Variants in MNAT1 observed in about 807,000 individuals in gnomAD.
MNAT1 encodes the protein MNAT1 component of CDK activating kinase.
A neutral mutation model predicts 42.0 loss-of-function variants in MNAT1; 43 were observed. The ratio of observed to expected loss-of-function variants is 1.02; its 90% CI spans 0.80 to 1.32. MNAT1 has a LOEUF of 1.32. MNAT1 is among the 40% of genes most tolerant of loss of function. The pLI is 0.00. For synonymous variants in MNAT1, 118 were observed against 120.0 expected (o/e 0.98, Z 0.11); for missense variants, 306 against 350.4 (o/e 0.87, Z 1.01).
rs180726327 is a variant in MNAT1 at position 60,870,063 on chromosome 14, A to G, written c.688-9651A>G. On this transcript the variant is annotated intron_variant, in intron 6 of 7. Coordinates refer to ENST00000261245, the MANE Select transcript of MNAT1 (RefSeq NM_002431.4). ...TAATACATTTCAGATTATTAAAAAT[A>G]CAGATTATTAAAAATACTGCCATGT... Among the ~76,000 whole-genome samples the G allele has an allele frequency of 9.2e-5, 14 of 152,302 alleles. No homozygotes were observed. In the East Asian group the frequency reaches 2.7e-3, roughly 29 times the overall value.
chr14:60,791,838 G>T (rs920969146), intron 1 of MNAT1, among the ~76,000 whole-genome samples: 3 of 152,026 alleles, frequency 2.0e-5, no homozygotes, highest in African/African-American at 7.2e-5. Context: ...GATTCAATTG[G>T]TTACTTTCTG....
chr14:60,924,456 A>G (rs1342253208), intron 7 of MNAT1, among the ~76,000 whole-genome samples: 1 of 151,884 alleles, frequency 6.6e-6, no homozygotes, highest in African/African-American at 2.4e-5. Flanking sequence ...AAGGTGGGGA[A>G]GCATTTTTTT....
intron 7 of MNAT1, among the ~76,000 whole-genome samples, chr14:60,883,126 G>C (rs556384652): frequency 6.6e-6 from 1 of 152,174 alleles, no homozygotes; most frequent in Non-Finnish European, 1.5e-5. Flanking sequence ...GCCTGTGCTT[G>C]TGGGGGTGTT....
At chr14:60,915,579 C>A (rs1566555205) in intron 7 of MNAT1, among the ~76,000 whole-genome samples, 3 of 152,106 alleles carry the variant, frequency 2.0e-5, no homozygotes, top group African/African-American at 7.2e-5. Flanking sequence ...AGAATCTCAC[C>A]ATTTGTTGCC....
At chr14:60,954,491 T>C (rs961955189) in intron 7 of MNAT1, among the ~76,000 whole-genome samples, 4 of 152,150 alleles carry the variant, frequency 2.6e-5, no homozygotes, top group Non-Finnish European at 5.9e-5. Flanking sequence ...TGTTTTTGTT[T>C]GTTTTGGTAG....
intron 6 of MNAT1, among the ~76,000 whole-genome samples, chr14:60,870,225 CT>C (rs1419024996): frequency 6.6e-6 from 1 of 151,952 alleles, no homozygotes; most frequent in African/African-American, 2.4e-5. Flanking sequence ...AAATATAGGG[CT>C]CTAAGCTATA....
chr14:60,914,712 A>T (rs2035473933), intron 7 of MNAT1, among the ~76,000 whole-genome samples: 1 of 152,200 alleles, frequency 6.6e-6, no homozygotes, highest in Admixed American at 6.5e-5. Context: ...ATTTGGTTAC[A>T]TTATTTTAAG....
chr14:60,802,474 A>G (rs1027135355), intron 3 of MNAT1, among the ~76,000 whole-genome samples: 1 of 152,166 alleles, frequency 6.6e-6, no homozygotes, highest in Non-Finnish European at 1.5e-5. Flanking sequence ...TCAACTGAAA[A>G]AAAAAGAGGG....
chr14:60,755,161 C>T (rs188354230), intron 1 of MNAT1, among the ~76,000 whole-genome samples: 2 of 151,922 alleles, frequency 1.3e-5, no homozygotes, highest in African/African-American at 4.8e-5. Flanking sequence ...ACCATGCCTA[C>T]CTAATTTTTT....
intron 1 of MNAT1, among the ~76,000 whole-genome samples, chr14:60,793,149 G>A (rs906643368): frequency 6.0e-5 from 9 of 150,972 alleles, no homozygotes; most frequent in Admixed American, 2.0e-4. Flanking sequence ...GGACGCAAGC[G>A]TGTGCCACCA....
intron 7 of MNAT1, among the ~76,000 whole-genome samples, chr14:60,930,761 G>C (rs2035867803): frequency 6.6e-6 from 1 of 152,174 alleles, no homozygotes. Context: ...AGTCTGACTG[G>C]AGCACAGGGT....
intron 7 of MNAT1, among the ~76,000 whole-genome samples, chr14:60,899,712 A>G (rs1368564312): frequency 1.3e-5 from 2 of 152,210 alleles, no homozygotes; most frequent in African/African-American, 2.4e-5. Context: ...TAAAAAATCT[A>G]TGACTCTTGA....
rs3080602 is a variant in MNAT1, at chr14:60,942,003, C to CAAAAA, written c.810-26201_810-26197dup. Reference sequence around the variant, plus strand: ...TGGGCGACAGAATGAGGCTCCATCTCAAAAAAAAAAAAAAAAAAAAAAAAA... The same window carrying CAAAAA: ...TGGGCGACAGAATGAGGCTCCATCTCAAAAAAAAAAAAAAAAAAAAAAAAAAAAAA... On this transcript the variant is annotated intron_variant, in intron 7 of 7. Transcript: ENST00000261245. Among the ~76,000 whole-genome samples, 76 of 29,928 alleles carry CAAAAA rather than the reference C, an allele frequency of 2.5e-3. 9 individuals are homozygous for CAAAAA. The highest frequency in any genetic ancestry group is 9.5e-3 in the African/African-American group (51 of 5,360). The allele number at this position is 29,928 out of a possible 152,430, so 19.6% of individuals were successfully genotyped here.
intron 7 of MNAT1, among the ~76,000 whole-genome samples, chr14:60,912,885 T>C (rs1169526815): frequency 6.6e-6 from 1 of 152,208 alleles, no homozygotes; most frequent in East Asian, 1.9e-4. Flanking sequence ...CTTGCTAGAT[T>C]GGGGAAGTTC....
chr14:60,841,812 T>G (rs2139402273), intron 6 of MNAT1, among the ~76,000 whole-genome samples: 1 of 152,382 alleles, frequency 6.6e-6, no homozygotes, highest in Middle Eastern at 3.4e-3. Context: ...GATTTTAATG[T>G]TAGGCTAATT....
chr14:60,966,554 C>A (rs1178488271), intron 7 of MNAT1, among the ~76,000 whole-genome samples: 1 of 152,186 alleles, frequency 6.6e-6, no homozygotes, highest in Non-Finnish European at 1.5e-5. Context: ...GCTGTGTCAC[C>A]CAGGCTGGAG....
chr14:60,945,723 TGTTAAATTA>T (rs2036258846), intron 7 of MNAT1, among the ~76,000 whole-genome samples: 1 of 152,206 alleles, frequency 6.6e-6, no homozygotes, highest in African/African-American at 2.4e-5. Context: ...TATGAATTAT[TGTTAAATTA>T]GTTCTGCCGA....
chr14:60,899,337 A>G (rs1400301803), intron 7 of MNAT1, among the ~76,000 whole-genome samples: 7 of 152,202 alleles, frequency 4.6e-5, no homozygotes, highest in Admixed American at 4.6e-4. Context: ...AGACATGATA[A>G]TATCTATTAT....
intron 6 of MNAT1, among the ~76,000 whole-genome samples, chr14:60,827,244 C>T (rs2139377341): frequency 6.6e-6 from 1 of 152,128 alleles, no homozygotes; most frequent in African/African-American, 2.4e-5. Flanking sequence ...TATGGAGAAA[C>T]ATACCATGCA....
Sources: allele counts gnomAD v4.1 joint callset (sites outside exome capture counted in the v4.1 genomes callset), GRCh38; gene constraint gnomAD v4.1.1; transcripts MANE v1.5; gene names NCBI Gene and HGNC (gene_info 2026-07-23, HGNC 2026-07-21).